The following BICRAL variants were observed in gnomAD, a reference collection of about 807,000 sequenced individuals.
BICRAL encodes BICRA like chromatin remodeling complex associated protein, also known as BRD4-interacting chromatin-remodeling complex-associated protein-like.
BICRAL carries 8 observed loss-of-function variants against 91.8 expected under a neutral mutation model. The observed-to-expected ratio is 0.09, with a 90% CI of 0.05 to 0.16. BICRAL has a LOEUF of 0.16. Among genes scored for constraint, BICRAL ranks in the 10% least tolerant of loss-of-function variants. The pLI is 1.00. For synonymous variants in BICRAL, 445 were observed against 491.1 expected, an observed-to-expected ratio of 0.91 and a Z score of 1.24; for missense variants, 1,038 against 1,310.9, an observed-to-expected ratio of 0.79 and a Z score of 3.21.
At chr6:42,776,163 A>C (rs1233994457) in intron 1 of BICRAL, among the ~76,000 whole-genome samples, 1 of 152,024 alleles carries the variant, frequency 6.6e-6, no homozygotes, top group Non-Finnish European at 1.5e-5. Context: ...CTGGGATTAC[A>C]GGCACCCGCC....
At chr6:42,814,478 C>CGTGTGTGTGT (rs1491362297) in intron 2 of BICRAL, among the ~76,000 whole-genome samples, 1 of 91,298 alleles carries the variant, frequency 1.1e-5, no homozygotes, top group African/African-American at 6.3e-5. Context: ...CATATACATG[C>CGTGTGTGTGT]ATGTGTGTGT....
At chr6:42,857,042 A>C (rs773490361) in intron 9 of BICRAL, 49 bp from the exon 10 acceptor site, 7 of 1,498,728 alleles carry the variant, frequency 4.7e-6, no homozygotes, top group Non-Finnish European at 3.7e-6. Context: ...GACTAGATTT[A>C]ATTTCCTAAC....
In BICRAL at chr6:42,828,818, C is replaced by T. The variant is rs1249165374; in HGVS notation, c.485C>T (p.Thr162Met). 9.3e-6 allele frequency: 15 copies of T among 1,614,060 alleles called. No individual in the cohort carries two copies. Among genetic ancestry groups the T allele is most frequent in the South Asian group, 2.2e-5 (2 of 91,088 alleles). The change falls in exon 6 of 13, where the codon ACG becomes ATG. Residue 162 changes from threonine to methionine, a missense_variant. By Grantham distance (81) the Thr-to-Met change is moderately conservative. This residue lies in a region of BICRAL where 532 missense variants were observed against 724.9 expected (regional missense o/e 0.73). Coordinates refer to ENST00000314073, the MANE Select transcript of BICRAL (RefSeq NM_001393499.1). Reference sequence around the variant, plus strand: ...AATGTTTCTAATTACTCAGGTCAGACGCTGCAGCCTATAGGGGTGACGCAT... The same window carrying T: ...AATGTTTCTAATTACTCAGGTCAGATGCTGCAGCCTATAGGGGTGACGCAT... The part of the protein sequence containing the change: ...ASNVSNYSGQ[T>M]LQPIGVTHVP...
chr6:42,747,484 G>A (rs988224668), intron 1 of BICRAL, among the ~76,000 whole-genome samples: 1 of 152,216 alleles, frequency 6.6e-6, no homozygotes, highest in Non-Finnish European at 1.5e-5. Flanking sequence ...AATTAAATCT[G>A]AGTTAAAACT....
intron 6 of BICRAL, among the ~76,000 whole-genome samples, chr6:42,843,472 G>A (rs1764872973): frequency 6.6e-6 from 1 of 151,892 alleles, no homozygotes; most frequent in Non-Finnish European, 1.5e-5. Context: ...TGTAATCTAA[G>A]CATGAAGTAG....
chr6:42,828,976 T>C lies in BICRAL; in HGVS notation c.643T>C (p.Leu215=), dbSNP rs1184883294. ...SQISGSGQIQ[L]IGSFGNHPSM... is the part of the protein sequence containing the mutation. ...GATTAGTGGTTCTGGTCAAATACAG[T>C]TAATTGGGTCATTTGGTAATCATCC... The change falls in exon 6 of 13, where the codon TTA becomes CTA. Residue 215 remains leucine (L), a synonymous_variant. Transcript: ENST00000314073. 6.2e-7 allele frequency: 1 copy of C among 1,613,948 alleles called. No individual in the cohort carries two copies. The highest frequency in any genetic ancestry group is 2.2e-5 in the East Asian group (1 of 44,896).
At chr6:42,751,768 C>T (rs1278105378) in intron 1 of BICRAL, among the ~76,000 whole-genome samples, 1 of 150,556 alleles carries the variant, frequency 6.6e-6, no homozygotes, top group Non-Finnish European at 1.5e-5. Flanking sequence ...AGCGATTTTC[C>T]TGCCTCAGCC....
chr6:42,856,022 G>A (rs1308471124), intron 9 of BICRAL, 105 bp downstream of exon 9: 9 of 942,324 alleles, frequency 9.6e-6, no homozygotes, highest in African/African-American at 4.9e-5. Context: ...GAGTATATTA[G>A]CCTTTTTAAA....
chr6:42,759,325 A>AT (rs1762508097), intron 1 of BICRAL, among the ~76,000 whole-genome samples: 2 of 152,280 alleles, frequency 1.3e-5, no homozygotes, highest in African/African-American at 4.8e-5. Flanking sequence ...GCATCACATT[A>AT]TTTTTCCTTT....
chr6:42,823,499 G>T (rs1279629766), intron 5 of BICRAL, among the ~76,000 whole-genome samples: 4 of 152,182 alleles, frequency 2.6e-5, no homozygotes, highest in African/African-American at 4.8e-5. Context: ...ATTAAGACAA[G>T]CTATGTGGCC....
intron 1 of BICRAL, among the ~76,000 whole-genome samples, chr6:42,788,367 G>A (rs754397761): frequency 3.3e-5 from 5 of 151,810 alleles, no homozygotes; most frequent in South Asian, 2.1e-4. Flanking sequence ...TAGAATTACA[G>A]GTATGCACCA....
chr6:42,800,423 C>A (rs1340159038), intron 1 of BICRAL, among the ~76,000 whole-genome samples: 8 of 152,228 alleles, frequency 5.3e-5, no homozygotes, highest in Admixed American at 4.6e-4. Flanking sequence ...TTCGGCCCCC[C>A]AAAGTGCTGG....
At chr6:42,812,233 C>T (rs765059223) in intron 2 of BICRAL, among the ~76,000 whole-genome samples, 12 of 152,106 alleles carry the variant, frequency 7.9e-5, no homozygotes, top group South Asian at 2.1e-4. Flanking sequence ...GCGGAGGTGG[C>T]GGATTGCTTG....
chr6:42,864,621 C>T (rs1335688659), intron 12 of BICRAL, 38 bp from the exon 13 acceptor site: 13 of 1,558,128 alleles, frequency 8.3e-6, no homozygotes, highest in Middle Eastern at 1.7e-4. Context: ...TGTCCTCTCC[C>T]AATCACTCAC....
intron 6 of BICRAL, among the ~76,000 whole-genome samples, chr6:42,850,521 C>CAA (rs35580515): frequency 1.5e-5 from 2 of 135,226 alleles, no homozygotes; most frequent in African/African-American, 2.7e-5. Context: ...CTTCATCTTT[C>CAA]AAAAAAAAAA....
chr6:42,783,916 C>T (rs1763020894), intron 1 of BICRAL, among the ~76,000 whole-genome samples: 8 of 152,176 alleles, frequency 5.3e-5, no homozygotes, highest in Admixed American at 5.2e-4. Context: ...GGCATTGAGC[C>T]TTTTCCTTAA....
intron 1 of BICRAL, among the ~76,000 whole-genome samples, chr6:42,760,237 G>T (rs1227782931): frequency 1.3e-5 from 2 of 151,318 alleles, no homozygotes; most frequent in African/African-American, 4.9e-5. Flanking sequence ...TCCAGCCTGG[G>T]CAACAAGAGC....
intron 1 of BICRAL, among the ~76,000 whole-genome samples, chr6:42,804,289 C>T (rs987364086): frequency 2.0e-5 from 3 of 152,156 alleles, no homozygotes; most frequent in Admixed American, 2.0e-4. Context: ...CCCAAAAGTT[C>T]TGGGATTACA....
intron 6 of BICRAL, among the ~76,000 whole-genome samples, chr6:42,834,579 C>T (rs1043206318): frequency 1.3e-5 from 2 of 151,964 alleles, no homozygotes; most frequent in Admixed American, 6.6e-5. Context: ...TTCCCTTTAC[C>T]TTTTTCTTTA....
Sources: gnomAD v4.1 joint callset for allele counts (sites outside exome capture counted in the v4.1 genomes callset) on GRCh38, gnomAD v4.1.1 for gene constraint, gnomAD v4.1.1 regional missense constraint, MANE v1.5 for transcripts, NCBI Gene and HGNC (gene_info 2026-07-23, HGNC 2026-07-21) for gene names.